Variants in GPR171 observed in about 807,000 individuals in gnomAD.
The protein encoded by GPR171 is F730001G15Rik.
GPR171 carries 14 observed loss-of-function variants against 16.7 expected under a neutral mutation model. The observed-to-expected ratio is 0.84, with a 90% confidence interval of 0.55 to 1.31. The LOEUF is 1.31. Among genes scored for constraint, GPR171 ranks in the 40% most tolerant of loss-of-function variants. The probability of loss-of-function intolerance (pLI) is 0.00; values close to 1 mark genes in which losing one functional copy is unlikely to be tolerated. For synonymous variants in GPR171, 134 were observed against 135.6 expected, an observed-to-expected ratio of 0.99 and a Z score of 0.08; for missense variants, 337 against 378.9, an observed-to-expected ratio of 0.89 and a Z score of 0.92.
Position 151,198,470 on chromosome 3 carries a change from G to T in GPR171, c.917C>A (p.Thr306Asn), listed in dbSNP as rs753611394. ...TCTTAATTTTTCTTTCTGAGCCTTG[G>T]TCTCTTTAGGTGAGGCAAAAGTCTC... ...VTETFASPKETKAQKEKLRCE... is the reference protein window; with the variant it reads ...VTETFASPKENKAQKEKLRCE... The change falls in exon 3 of 3, where the codon ACC (threonine) becomes AAC (asparagine). Residue 306 changes from threonine (T) to asparagine (N), a missense_variant. Transcript: ENST00000309180. 1.2e-6 allele frequency: 2 copies of T among 1,611,314 alleles called. No individual in the cohort carries two copies. The highest frequency in any genetic ancestry group is 1.3e-5 in the African/African-American group (1 of 74,798).
rs1195229911 is a variant in GPR171, at chr3:151,200,694, T to A, written c.-54+215A>T. On this transcript the variant is annotated intron_variant, in intron 2 of 2. Transcript: ENST00000309180. ...GTGCTGCTTAAAGGCTACATGCCCTTTCTCTTTCCCTACCTGAGTTAGCAC... is the reference window on the plus strand; with the variant it reads ...GTGCTGCTTAAAGGCTACATGCCCTATCTCTTTCCCTACCTGAGTTAGCAC... Among the ~76,000 whole-genome samples the A allele has an allele frequency of 2.0e-5, 3 of 152,118 alleles. No individual in the cohort carries two copies. The East Asian group carries it at 5.8e-4, about 29-fold the overall frequency.
chr3:151,200,119 T>G (rs1448803276), intron 2 of GPR171, among the ~76,000 whole-genome samples: 8 of 150,778 alleles, frequency 5.3e-5, no homozygotes, highest in Admixed American at 4.6e-4. Context: ...TTTTCTTTCA[T>G]TGTGGGTTTT....
At chr3:151,199,653 A>G (rs918547936) in intron 2 of GPR171, among the ~76,000 whole-genome samples, 1 of 150,818 alleles carries the variant, frequency 6.6e-6, no homozygotes, top group East Asian at 1.9e-4. Flanking sequence ...AATCCCATGC[A>G]GGTTTGCTTT....
rs2149138954 is a variant in GPR171 at position 151,199,403 on chromosome 3, G to A, written c.-17C>T. The stretch of plus-strand genomic sequence containing the variant: ...GTTTGTCATCTTGAGGGAAAGTAAG[G>A]ATGACTGCTTATTGAAAAGAAAAAA... On this transcript the variant is annotated 5_prime_UTR_variant, in exon 3 of 3. Coordinates refer to ENST00000309180, the MANE Select transcript of GPR171 (RefSeq NM_013308.4). 6.4e-7 allele frequency: 1 copy of A among 1,574,524 alleles called. No individual in the cohort carries two copies. Among genetic ancestry groups the A allele is most frequent in the East Asian group, 2.2e-5 (1 of 44,578 alleles).
At chr3:151,199,790 G>A (rs922531677) in intron 2 of GPR171, among the ~76,000 whole-genome samples, 2 of 152,200 alleles carry the variant, frequency 1.3e-5, no homozygotes, top group African/African-American at 4.8e-5. Context: ...GGAAACTAGG[G>A]TTGTGGTTGA....
At chr3:151,200,103 CT>C (rs908406716) in intron 2 of GPR171, among the ~76,000 whole-genome samples, 3 of 151,098 alleles carry the variant, frequency 2.0e-5, no homozygotes, top group Admixed American at 6.6e-5. Context: ...ACTTGAGTCG[CT>C]TTTTTTTTCT....
rs1270095489 is a variant in GPR171 at position 151,198,190 on chromosome 3, T to C, written c.*237A>G. 8.2e-6 allele frequency: 3 copies of C among 365,672 alleles called. No individual in the cohort carries two copies. The highest frequency in any genetic ancestry group is 1.5e-5 in the Non-Finnish European group (3 of 203,800). The allele number at this position is 365,672 out of a possible 1,614,324, so 22.7% of individuals were successfully genotyped here. The stretch of plus-strand genomic sequence containing the variant: ...ATTGCAGGATTTTACATTCGTTCAA[T>C]GAGACTCTTTAGTTTTTTGTACAAA... On this transcript the variant is annotated 3_prime_UTR_variant, in exon 3 of 3. Transcript: ENST00000309180.
Position 151,198,339 on chromosome 3 carries a change from T to TTTG in GPR171, c.*85_*87dup, listed in dbSNP as rs879086449. 2.2e-4 allele frequency: 224 copies of TTTG among 1,021,910 alleles called. No homozygotes were observed. The highest frequency in any genetic ancestry group is 6.6e-4 in the South Asian group (31 of 46,636). 63.3% of individuals were successfully genotyped at this position (1,021,910 alleles called of 1,614,324 possible). A position where few individuals can be genotyped will look rare whatever the true frequency, so the allele number is the denominator to read the frequency against. On this transcript the variant is annotated 3_prime_UTR_variant, in exon 3 of 3. Coordinates refer to ENST00000309180, the MANE Select transcript of GPR171 (RefSeq NM_013308.4). ...TGTATTTTTTCATACTGAGTTTTTT[T>TTTG]TTGTTTTTTTTTTTTTTATCTTTCA...
chr3:151,200,256 A>G (rs1157816882), intron 2 of GPR171, among the ~76,000 whole-genome samples: 1 of 152,196 alleles, frequency 6.6e-6, no homozygotes, highest in Non-Finnish European at 1.5e-5. Flanking sequence ...TGTAAGCTCA[A>G]GTTAAACTGA....
chr3:151,200,864 C>T (rs767730044), intron 2 of GPR171, 45 bp downstream of exon 2: 1 of 151,992 alleles, frequency 6.6e-6, no homozygotes, highest in African/African-American at 2.4e-5. Context: ...TGTTATTGTC[C>T]CTGCTTTACA....
intron 1 of GPR171, 123 bp from the exon 2 acceptor site, chr3:151,201,120 A>G (rs932351917): frequency 6.6e-6 from 1 of 152,234 alleles, no homozygotes; most frequent in Non-Finnish European, 1.5e-5. Flanking sequence ...TTTATGTAAT[A>G]AAGCTGAAAT....
In GPR171 at chr3:151,198,317, A is replaced by G. The variant is rs2149131605; in HGVS notation, c.*110T>C. ...CTGTCCATATTTGCTAGCTAACTGT[A>G]TTTTTTCATACTGAGTTTTTTTTTG... On this transcript the variant is annotated 3_prime_UTR_variant, in exon 3 of 3. Coordinates refer to ENST00000309180, the MANE Select transcript of GPR171 (RefSeq NM_013308.4). 4 of 856,680 alleles carry G rather than the reference A, an allele frequency of 4.7e-6. No homozygotes were observed. The highest frequency in any genetic ancestry group is 6.8e-6 in the Non-Finnish European group (4 of 592,346). 53.1% of individuals were successfully genotyped at this position (856,680 alleles called of 1,614,324 possible).
At chr3:151,202,460 C>G (rs570703493) in intron 1 of GPR171, among the ~76,000 whole-genome samples, 1 of 152,306 alleles carries the variant, frequency 6.6e-6, no homozygotes, top group South Asian at 2.1e-4. Context: ...CACTTGAGGT[C>G]AAGAGTTCGA....
chr3:151,202,789 G>T (rs1280872548), intron 1 of GPR171, among the ~76,000 whole-genome samples: 4 of 152,136 alleles, frequency 2.6e-5, no homozygotes, highest in Admixed American at 2.0e-4. Flanking sequence ...AAGGCCTGTT[G>T]TTCCCTGTTG....
intron 1 of GPR171, among the ~76,000 whole-genome samples, chr3:151,202,714 A>G (rs894612654): frequency 6.6e-6 from 1 of 152,204 alleles, no homozygotes; most frequent in African/African-American, 2.4e-5. Flanking sequence ...TAGATTTTCT[A>G]TGGGAATCAC....
Position 151,198,895 on chromosome 3 carries a change from A to C in GPR171, c.492T>G (p.Gly164=), listed in dbSNP as rs1725086152. Residue 164 remains glycine, a synonymous_variant, in exon 3 of 3, where the codon GGT becomes GGG. Transcript: ENST00000309180. ...CAAATTCCTTTTTAAACTCCATACAACCCACATTTGACTTTTCCTTGATGT... is the reference window on the plus strand; with the variant it reads ...CAAATTCCTTTTTAAACTCCATACACCCCACATTTGACTTTTCCTTGATGT... The part of the protein sequence containing the change: ...IKDIKEKSNV[G]CMEFKKEFGR... The C allele has an allele frequency of 6.2e-7, 1 of 1,613,908 alleles. No individual in the cohort carries two copies. Among genetic ancestry groups the C allele is most frequent in the African/African-American group, 1.3e-5 (1 of 74,896 alleles).
rs1331732092 is a variant in GPR171 at position 151,203,193 on chromosome 3, CCATTG to C, written c.-237_-233del. 6.6e-6 allele frequency: 1 copy of C among 152,154 alleles called. No homozygotes were observed. Among genetic ancestry groups the C allele is most frequent in the Non-Finnish European group, 1.5e-5 (1 of 68,024 alleles). The allele number at this position is 152,154 out of a possible 1,614,324, so 9.4% of individuals were successfully genotyped here. On this transcript the variant is annotated 5_prime_UTR_variant, in exon 1 of 3. The change abolishes an upstream ATG in the 5' untranslated region. Coordinates refer to ENST00000309180, the MANE Select transcript of GPR171 (RefSeq NM_013308.4). ...TTGGTTAGCCGCAGCAGTAGCAACCCCATTGCAGGCTGCTGGCTTTACTAAAAATT... is the reference window on the plus strand; with the variant it reads ...TTGGTTAGCCGCAGCAGTAGCAACCCCAGGCTGCTGGCTTTACTAAAAATT...
chr3:151,200,436 TTTATA>T (rs1428341942), intron 2 of GPR171, among the ~76,000 whole-genome samples: 1 of 152,238 alleles, frequency 6.6e-6, no homozygotes, highest in African/African-American at 2.4e-5. Flanking sequence ...AAGGAAACAT[TTTATA>T]TTATAATACA....
chr3:151,199,194 G>A lies in GPR171; in HGVS notation c.193C>T (p.Leu65=). Residue 65 remains leucine (L), a synonymous_variant, in exon 3 of 3, where the codon CTG becomes TTG. Transcript: ENST00000309180. ...NLLTADFLLT[L]ALPVKIVVDL... is the part of the protein sequence containing the mutation. ...ACAACAATTTTCACTGGTAATGCCA[G>A]AGTAAGCAGGAAATCGGCTGTAAGC... is the stretch of plus-strand genomic sequence containing the variant. 6.2e-7 allele frequency: 1 copy of A among 1,614,124 alleles called. No homozygotes were observed. The highest frequency in any genetic ancestry group is 8.5e-7 in the Non-Finnish European group (1 of 1,179,952).
Sources: allele counts gnomAD v4.1 joint callset (sites outside exome capture counted in the v4.1 genomes callset), GRCh38; gene constraint gnomAD v4.1.1; transcripts MANE v1.5; gene names NCBI Gene and HGNC (gene_info 2026-07-23, HGNC 2026-07-21).